FAM171A1: variants seen among roughly 807,000 people sequenced by gnomAD.
FAM171A1 encodes the protein family with sequence similarity 171 member A1.
Under a neutral mutation model 74.9 loss-of-function variants are expected in FAM171A1, and 23 were observed. The ratio of observed to expected loss-of-function variants is 0.31; its 90% CI spans 0.22 to 0.44. FAM171A1 has a LOEUF of 0.44. Ranked by LOEUF, FAM171A1 falls within the 20% of genes least tolerant of loss-of-function variation. The probability of loss-of-function intolerance (pLI) is 1.00; values close to 1 mark genes in which losing one functional copy is unlikely to be tolerated. For synonymous variants in FAM171A1, 527 were observed against 505.7 expected, an observed-to-expected ratio of 1.04 and a Z score of -0.57; for missense variants, 1,162 against 1,159.2, an observed-to-expected ratio of 1.00 and a Z score of -0.03.
chr10:15,267,116 T>C (rs1261226900), intron 3 of FAM171A1, among the ~76,000 whole-genome samples: 1 of 152,104 alleles, frequency 6.6e-6, no homozygotes, highest in Non-Finnish European at 1.5e-5. Flanking sequence ...AGTCAAAGGC[T>C]AAAGACGTGT....
chr10:15,295,103 AT>A (rs980166543), intron 1 of FAM171A1, among the ~76,000 whole-genome samples: 2 of 151,780 alleles, frequency 1.3e-5, no homozygotes, highest in Admixed American at 1.3e-4. Flanking sequence ...ATTTATTTTT[AT>A]TTTTTTATTT....
At chr10:15,246,870 G>T (rs866468869) in intron 5 of FAM171A1, among the ~76,000 whole-genome samples, 1 of 152,188 alleles carries the variant, frequency 6.6e-6, no homozygotes. Flanking sequence ...GGAAGCAAAG[G>T]GGGGTAAGAG....
chr10:15,308,386 C>T (rs1835321710), intron 1 of FAM171A1, among the ~76,000 whole-genome samples: 1 of 152,206 alleles, frequency 6.6e-6, no homozygotes, highest in Non-Finnish European at 1.5e-5. Context: ...CAAACATCTG[C>T]TAACACTGAG....
chr10:15,250,487 C>T (rs183170719), intron 4 of FAM171A1, among the ~76,000 whole-genome samples: 4 of 152,346 alleles, frequency 2.6e-5, no homozygotes, highest in East Asian at 1.9e-4. Context: ...GCTGGCCAGG[C>T]GCAGTGGCGC....
chr10:15,217,931 C>T (rs951632558), intron 6 of FAM171A1, among the ~76,000 whole-genome samples: 1 of 151,956 alleles, frequency 6.6e-6, no homozygotes, highest in African/African-American at 2.4e-5. Context: ...GCACCCGGCC[C>T]AGAGAAACAA....
At chr10:15,320,798 T>G (rs530807145) in intron 1 of FAM171A1, among the ~76,000 whole-genome samples, 21 of 152,344 alleles carry the variant, frequency 1.4e-4, no homozygotes, top group African/African-American at 4.3e-4. Flanking sequence ...CACAGTAAGT[T>G]TGCACATAAT....
chr10:15,298,682 C>A (rs991794567), intron 1 of FAM171A1, among the ~76,000 whole-genome samples: 1 of 152,232 alleles, frequency 6.6e-6, no homozygotes, highest in African/African-American at 2.4e-5. Context: ...CCATAAGAAG[C>A]AATGTATATC....
At chr10:15,215,487 T>A (rs7096567) in intron 7 of FAM171A1, among the ~76,000 whole-genome samples, 33,435 of 152,100 alleles carry the variant, frequency 0.22, 3,745 homozygotes, top group East Asian at 0.3. Flanking sequence ...TGCCTCAGCC[T>A]CCCAAGTAGC....
At chr10:15,331,516 A>C (rs141110999) in intron 1 of FAM171A1, among the ~76,000 whole-genome samples, 93 of 152,246 alleles carry the variant, frequency 6.1e-4, no homozygotes, top group African/African-American at 2.2e-3. Context: ...ACCTTATACA[A>C]GGGCAGAAGA....
intron 1 of FAM171A1, among the ~76,000 whole-genome samples, chr10:15,332,117 T>C (rs10752371): frequency 0.47 from 70,297 of 150,420 alleles, 16,976 homozygotes; most frequent in East Asian, 0.8. Context: ...CATGCCCAGC[T>C]AATTTTTTGT....
chr10:15,360,645 T>C (rs1835982745), intron 1 of FAM171A1, among the ~76,000 whole-genome samples: 1 of 152,214 alleles, frequency 6.6e-6, no homozygotes, highest in African/African-American at 2.4e-5. Flanking sequence ...ACATCATGAA[T>C]GGGTAACAGT....
Position 15,213,454 on chromosome 10 carries a change from A to C in FAM171A1, c.2134T>G (p.Leu712Val). ...LPHPRAWFVS[L>V]DGRSNAHVRH... ...ACGTGAGCGTTGGACCTGCCATCCAAGGAGACGAACCACGCCCGGGGGTGC... is the reference window on the plus strand; with the variant it reads ...ACGTGAGCGTTGGACCTGCCATCCACGGAGACGAACCACGCCCGGGGGTGC... The change falls in exon 8 of 8, where the codon TTG becomes GTG. Residue 712 changes from leucine to valine, a missense_variant. By Grantham distance (32) the Leu-to-Val change is conservative (BLOSUM62 1). Coordinates refer to ENST00000378116, the MANE Select transcript of FAM171A1 (RefSeq NM_001010924.2). The surrounding 1 kb of genome is among the most constrained non-coding windows in gnomAD (Gnocchi z 6.8). The C allele has an allele frequency of 6.2e-7, 1 of 1,614,152 alleles. No homozygotes were observed. Among genetic ancestry groups the C allele is most frequent in the African/African-American group, 1.3e-5 (1 of 75,028 alleles).
rs777694731 is a variant in FAM171A1 at position 15,263,753 on chromosome 10, A to G, written c.419-8874T>C. On this transcript the variant is annotated intron_variant, in intron 3 of 7. Coordinates refer to ENST00000378116, the MANE Select transcript of FAM171A1 (RefSeq NM_001010924.2). ...TATCTATCTGTCTGTCTATCTATCT[A>G]TCTATCTATCTATCTATCTATCTAT... Among the ~76,000 whole-genome samples, 708 of 130,974 alleles carry G rather than the reference A, an allele frequency of 5.4e-3. 11 individuals carry two copies. The highest frequency in any genetic ancestry group is 7.6e-3 in the Non-Finnish European group (425 of 55,950). 85.9% of individuals were successfully genotyped at this position (130,974 alleles called of 152,430 possible).
intron 5 of FAM171A1, among the ~76,000 whole-genome samples, chr10:15,233,803 G>A (rs533237465): frequency 7.3e-5 from 11 of 151,568 alleles, no homozygotes; most frequent in Non-Finnish European, 1.5e-4. Flanking sequence ...TCGGGAGGCT[G>A]AGGCAGGAGA....
intron 2 of FAM171A1, among the ~76,000 whole-genome samples, chr10:15,276,546 T>C (rs1057159864): frequency 9.9e-5 from 15 of 152,228 alleles, no homozygotes; most frequent in Non-Finnish European, 2.1e-4. Context: ...ATGTATACAC[T>C]ACATGAATGT....
intron 5 of FAM171A1, among the ~76,000 whole-genome samples, chr10:15,222,356 C>T (rs1490569416): frequency 6.6e-6 from 1 of 152,194 alleles, no homozygotes; most frequent in Admixed American, 6.5e-5. Context: ...GATGGTACTG[C>T]CTCCTACACA....
At chr10:15,247,901 A>G (rs941564442) in intron 5 of FAM171A1, among the ~76,000 whole-genome samples, 1 of 152,214 alleles carries the variant, frequency 6.6e-6, no homozygotes, top group Non-Finnish European at 1.5e-5. Context: ...CCGGCAAGGA[A>G]GTGAGGTCTG....
chr10:15,237,984 T>C (rs932396385), intron 5 of FAM171A1, among the ~76,000 whole-genome samples: 3 of 152,220 alleles, frequency 2.0e-5, no homozygotes, highest in African/African-American at 7.2e-5. Context: ...TAAGTTGAAT[T>C]CCTCCTTTGC....
At chr10:15,275,597 A>G (rs1468356737) in intron 3 of FAM171A1, among the ~76,000 whole-genome samples, 1 of 152,096 alleles carries the variant, frequency 6.6e-6, no homozygotes, top group Non-Finnish European at 1.5e-5. Flanking sequence ...AGATTTTAGT[A>G]GGTGGCCCAA....
Sources: gnomAD v4.1 joint callset for allele counts (sites outside exome capture counted in the v4.1 genomes callset) on GRCh38, gnomAD v4.1.1 for gene constraint, Gnocchi (gnomAD v3.1) non-coding constraint, MANE v1.5 for transcripts, NCBI Gene and HGNC (gene_info 2026-07-23, HGNC 2026-07-21) for gene names.